The following TFG variants were observed in gnomAD, a reference collection of about 807,000 sequenced individuals.
TFG encodes the protein protein TFG.
Under a neutral mutation model 51.4 loss-of-function variants are expected in TFG, and 22 were observed. The observed-to-expected ratio is 0.43, with a 90% confidence interval of 0.31 to 0.61. TFG has a LOEUF of 0.61. TFG is among the 20% of genes least tolerant of loss of function. The probability of loss-of-function intolerance (pLI) is 0.12; values close to 1 mark genes in which losing one functional copy is unlikely to be tolerated. For synonymous variants in TFG, 187 were observed against 165.6 expected (o/e 1.13, Z -0.99); for missense variants, 419 against 487.7 (o/e 0.86, Z 1.33).
At chr3:100,715,267 C>T (rs1263655941) in intron 2 of TFG, among the ~76,000 whole-genome samples, 1 of 152,196 alleles carries the variant, frequency 6.6e-6, no homozygotes, top group East Asian at 1.9e-4. Context: ...TTACCTTCAA[C>T]ACATGGCTTA....
At chr3:100,719,002 C>A (rs893202804) in intron 2 of TFG, among the ~76,000 whole-genome samples, 24 of 152,122 alleles carry the variant, frequency 1.6e-4, no homozygotes, top group African/African-American at 5.6e-4. Context: ...AAGTTTTCTT[C>A]TTTTACATAC....
intron 6 of TFG, among the ~76,000 whole-genome samples, chr3:100,741,514 TA>T (rs1225725934): frequency 1.3e-5 from 2 of 152,182 alleles, no homozygotes; most frequent in Non-Finnish European, 2.9e-5. Flanking sequence ...TTAAAAAAGT[TA>T]AAAAATCAAG....
intron 1 of TFG, 138 bp downstream of exon 1, chr3:100,709,859 G>A (rs1459687922): frequency 1.6e-5 from 2 of 128,986 alleles, no homozygotes; most frequent in Non-Finnish European, 3.3e-5. Context: ...AGGGAGGAGG[G>A]GGTGGGAGGG....
At chr3:100,715,922 A>C (rs1262628213) in intron 2 of TFG, among the ~76,000 whole-genome samples, 1 of 151,120 alleles carries the variant, frequency 6.6e-6, no homozygotes, top group Non-Finnish European at 1.5e-5. Flanking sequence ...TCCCAAGAGT[A>C]CTTTTTTTTT....
At position 100,736,598 on chromosome 3, in the gene TFG, A is replaced by T; in HGVS notation, c.603A>T (p.Glu201Asp). ...CAGGGCCACCCAGTGCTCCTGCAGAAGATCGTTCAGGAACACCCGACAGCA... is the reference window on the plus strand; with the variant it reads ...CAGGGCCACCCAGTGCTCCTGCAGATGATCGTTCAGGAACACCCGACAGCA... ...QVSGPPSAPA[E>D]DRSGTPDSIA... is the part of the protein sequence containing the mutation. Residue 201 changes from glutamate to aspartate, a missense_variant, in exon 6 of 8, where the codon GAA becomes GAT. Glu to Asp is a conservative substitution (Grantham distance 45, BLOSUM62 2). This residue lies in a region of TFG where 391 missense variants were observed against 434.4 expected (regional missense o/e 0.90). Coordinates refer to ENST00000240851, the MANE Select transcript of TFG (RefSeq NM_006070.6). The T allele has an allele frequency of 6.2e-7, 1 of 1,613,954 alleles. No homozygotes were observed. The highest frequency in any genetic ancestry group is 8.5e-7 in the Non-Finnish European group (1 of 1,179,940).
intron 3 of TFG, among the ~76,000 whole-genome samples, chr3:100,721,332 T>C (rs1198763179): frequency 6.6e-6 from 1 of 151,854 alleles, no homozygotes; most frequent in Non-Finnish European, 1.5e-5. Flanking sequence ...AAACTTGGGG[T>C]GTTCTTGGTG....
chr3:100,713,898 A>G (rs779684384), intron 2 of TFG, 29 bp downstream of exon 2: 1 of 1,357,672 alleles, frequency 7.4e-7, no homozygotes, highest in Non-Finnish European at 9.8e-7. Flanking sequence ...CTATTTTTTA[A>G]AGTCTTTTTA....
intron 5 of TFG, among the ~76,000 whole-genome samples, chr3:100,736,334 G>T (rs2095106126): frequency 6.6e-6 from 1 of 152,064 alleles, no homozygotes; most frequent in Non-Finnish European, 1.5e-5. Flanking sequence ...GCAGGGAGAG[G>T]TTAAGACTCA....
Position 100,748,710 on chromosome 3 carries a change from G to GT in TFG, c.*185dup, listed in dbSNP as rs1468772749. The stretch of plus-strand genomic sequence containing the variant: ...CTGGAACACAAAGACCAAAATGAAA[G>GT]TTTTTTCCTCCCTGCTTAAAAATGT... On this transcript the variant is annotated 3_prime_UTR_variant, in exon 8 of 8. Transcript: ENST00000240851. 4 of 688,084 alleles carry GT rather than the reference G, an allele frequency of 5.8e-6. No individual in the cohort carries two copies. The highest frequency in any genetic ancestry group is 5.8e-5 in the East Asian group (2 of 34,432). 42.6% of individuals were successfully genotyped at this position (688,084 alleles called of 1,614,324 possible).
intron 1 of TFG, among the ~76,000 whole-genome samples, chr3:100,712,284 C>T (rs935843101): frequency 6.6e-6 from 1 of 152,082 alleles, no homozygotes; most frequent in African/African-American, 2.4e-5. Flanking sequence ...TTTTGAAGTA[C>T]TTGAAGGGTT....
rs1576358562 is a variant in TFG, at chr3:100,719,861, C to A, written c.185-114C>A. On this transcript the variant is annotated intron_variant, in intron 2 of 7. Coordinates refer to ENST00000240851, the MANE Select transcript of TFG (RefSeq NM_006070.6). ...AGTTTAAGGTTTCTATGGGAGAGTC[C>A]AACTATGTTCTACAATCTACATTTT... 8.3e-6 allele frequency: 5 copies of A among 603,606 alleles called. No homozygotes were observed. The East Asian group carries it at 1.3e-4, about 15-fold the overall frequency. The allele number at this position is 603,606 out of a possible 1,614,324, so 37.4% of individuals were successfully genotyped here.
chr3:100,748,710 G>T lies in TFG; in HGVS notation c.*179G>T. Reference sequence around the variant, plus strand: ...CTGGAACACAAAGACCAAAATGAAAGTTTTTTCCTCCCTGCTTAAAAATGT... The same window carrying T: ...CTGGAACACAAAGACCAAAATGAAATTTTTTTCCTCCCTGCTTAAAAATGT... On this transcript the variant is annotated 3_prime_UTR_variant, in exon 8 of 8. Coordinates refer to ENST00000240851, the MANE Select transcript of TFG (RefSeq NM_006070.6). 1 of 688,084 alleles carries T rather than the reference G, an allele frequency of 1.5e-6. No individual in the cohort carries two copies. The highest frequency in any genetic ancestry group is 2.3e-6 in the Non-Finnish European group (1 of 443,586). 42.6% of individuals were successfully genotyped at this position (688,084 alleles called of 1,614,324 possible).
rs552679536 is a variant in TFG, at chr3:100,723,627, T to A, written c.268+3569T>A. On this transcript the variant is annotated intron_variant, in intron 3 of 7. Coordinates refer to ENST00000240851, the MANE Select transcript of TFG (RefSeq NM_006070.6). ...TATATAAAAACTTGAGTAGTAATAG[T>A]CACTTTATGATGATAAAAAGAATAA... Among the ~76,000 whole-genome samples the A allele has an allele frequency of 1.4e-4, 22 of 152,282 alleles. No individual in the cohort carries two copies. The East Asian group carries it at 4.2e-3, about 29-fold the overall frequency.
intron 1 of TFG, among the ~76,000 whole-genome samples, chr3:100,713,327 TAAAG>T (rs1162826638): frequency 4.6e-5 from 7 of 152,252 alleles, no homozygotes; most frequent in South Asian, 2.1e-4. Context: ...CGAAGGAAGA[TAAAG>T]AAGCCTCTAG....
intron 2 of TFG, 38 bp downstream of exon 2, chr3:100,713,907 T>A (rs536471836): frequency 3.2e-4 from 284 of 898,690 alleles, no homozygotes; most frequent in Middle Eastern, 4.0e-4. Flanking sequence ...AAAGTCTTTT[T>A]AAAAAAAAAA....
chr3:100,709,298 C>T (rs2095021955), upstream of TFG: 1 of 152,400 alleles, frequency 6.6e-6, no homozygotes, highest in South Asian at 2.1e-4. Context: ...CGTGGTCACG[C>T]CCCGCGCATG....
At chr3:100,732,179 G>T (rs933563773) in intron 4 of TFG, among the ~76,000 whole-genome samples, 1 of 151,118 alleles carries the variant, frequency 6.6e-6, no homozygotes, top group Non-Finnish European at 1.5e-5. Flanking sequence ...TAGGTTATTG[G>T]GCTCCAAAAA....
Position 100,719,999 on chromosome 3 carries a change from A to G in TFG, c.209A>G (p.Asp70Gly). 6.4e-7 allele frequency: 1 copy of G among 1,562,768 alleles called. No homozygotes were observed. Among genetic ancestry groups the G allele is most frequent in the East Asian group, 2.3e-5 (1 of 42,934 alleles). The stretch of plus-strand genomic sequence containing the variant: ...GATGGAGATCTTATAACAATTTTTG[A>G]TAGTTCTGACCTTTCCTTTGCAATT... ...DEDGDLITIF[D>G]SSDLSFAIQC... Residue 70 changes from aspartate (D) to glycine (G), a missense_variant, in exon 3 of 8, where the codon GAT becomes GGT. Asp to Gly is a moderately conservative substitution (Grantham distance 94, BLOSUM62 -1). Coordinates refer to ENST00000240851, the MANE Select transcript of TFG (RefSeq NM_006070.6).
chr3:100,730,055 A>T (rs2095087253), intron 4 of TFG, among the ~76,000 whole-genome samples: 1 of 152,192 alleles, frequency 6.6e-6, no homozygotes, highest in Non-Finnish European at 1.5e-5. Context: ...CCAAACAAAA[A>T]TTTCCAATTT....
Sources: allele counts gnomAD v4.1 joint callset (sites outside exome capture counted in the v4.1 genomes callset), GRCh38; gene constraint gnomAD v4.1.1; regional missense constraint gnomAD v4.1.1; transcripts MANE v1.5; gene names NCBI Gene and HGNC (gene_info 2026-07-23, HGNC 2026-07-21).